The following CEACAM4 variants were observed in gnomAD, a reference collection of about 807,000 sequenced individuals.
CEACAM4 encodes CEA cell adhesion molecule 4.
A neutral mutation model predicts 28.7 loss-of-function variants in CEACAM4; 30 were observed. That is an observed-to-expected ratio of 1.05 (90% CI 0.78 to 1.42). CEACAM4 has a LOEUF of 1.42. Among genes scored for constraint, CEACAM4 ranks in the 40% most tolerant of loss-of-function variants. The pLI, the probability that CEACAM4 is intolerant of heterozygous loss-of-function variation, is 0.00. For synonymous variants in CEACAM4, 143 were observed against 126.5 expected (o/e 1.13, Z -0.87); for missense variants, 330 against 308.2 (o/e 1.07, Z -0.53).
At chr19:41,626,808 A>G in intron 1 of CEACAM4, 92 bp downstream of exon 1, 1 of 1,128,792 alleles carries the variant, frequency 8.9e-7, no homozygotes, top group African/African-American at 1.6e-5. Context: ...AGGAGACCCC[A>G]GCCAGAAGCC....
downstream of CEACAM4, among the ~76,000 whole-genome samples, chr19:41,617,472 TC>T (rs782557303): frequency 3.3e-5 from 5 of 152,118 alleles, 1 homozygote; most frequent in Non-Finnish European, 7.4e-5. Context: ...TACATCCTCA[TC>T]CCCAGATCTG....
downstream of CEACAM4, among the ~76,000 whole-genome samples, chr19:41,618,091 C>G (rs1357080491): frequency 6.8e-6 from 1 of 147,548 alleles, no homozygotes; most frequent in African/African-American, 2.5e-5. Context: ...GCACCTGGTT[C>G]AAGTGAACCT....
chr19:41,620,339 G>T, intron 4 of CEACAM4, 97 bp from the exon 5 acceptor site: 1 of 1,173,148 alleles, frequency 8.5e-7, no homozygotes, highest in Non-Finnish European at 1.2e-6. Flanking sequence ...GAGAATCAGG[G>T]AGAGGGAGCC....
chr19:41,626,141 A>G (rs556866166), intron 1 of CEACAM4, among the ~76,000 whole-genome samples, 181 bp from the exon 2 acceptor site: 10 of 141,620 alleles, frequency 7.1e-5, no homozygotes, highest in Admixed American at 1.5e-4. Flanking sequence ...GGTCAGCAGC[A>G]TGACCCCCAT....
chr19:41,626,082 GT>G, intron 1 of CEACAM4, 122 bp from the exon 2 acceptor site: 2 of 314,402 alleles, frequency 6.4e-6, no homozygotes, highest in Non-Finnish European at 1.1e-5. Flanking sequence ...GTGTGTGTGT[GT>G]GTGTGTGTGT....
downstream of CEACAM4, among the ~76,000 whole-genome samples, chr19:41,615,216 T>G (rs1555798686): frequency 6.6e-6 from 1 of 151,882 alleles, no homozygotes; most frequent in African/African-American, 2.4e-5. Flanking sequence ...GGGCCGCAAG[T>G]GGCACCTGGT....
chr19:41,625,686 G>A lies in CEACAM4; in HGVS notation c.339C>T (p.Thr113=). Residue 113 remains threonine, a synonymous_variant, in exon 2 of 7, where the codon ACC becomes ACT. Coordinates refer to ENST00000221954, the MANE Select transcript of CEACAM4 (RefSeq NM_001817.4). ...PNGSLLFQNI[T]LEDAGSYTLR... ...GGGTGTAGGATCCTGCGTCCTCCAG[G>A]GTGATGTTTTGGAACAGCAGGGATC... The A allele has an allele frequency of 6.2e-7, 1 of 1,613,786 alleles. No individual in the cohort carries two copies. Among genetic ancestry groups the A allele is most frequent in the Non-Finnish European group, 8.5e-7 (1 of 1,179,820 alleles).
rs2071620482 is a variant in CEACAM4, at chr19:41,625,948, G to T, written c.77C>A (p.Thr26Asn). The T allele has an allele frequency of 6.2e-7, 1 of 1,609,928 alleles. No individual in the cohort carries two copies. ...QGLLITASLLTFWHPPTTVQF... is the reference protein window; with the variant it reads ...QGLLITASLLNFWHPPTTVQF... ...GACAGTGGTGGGCGGGTGCCAGAAG[G>T]TTAAAAGTGAGGCTAGGAGGTGAAG... The change falls in exon 2 of 7, where the codon ACC (threonine) becomes AAC (asparagine). Residue 26 changes from threonine (T) to asparagine (N), a missense_variant. By Grantham distance (65) the Thr-to-Asn change is moderately conservative. Coordinates refer to ENST00000221954, the MANE Select transcript of CEACAM4 (RefSeq NM_001817.4).
chr19:41,619,147 A>G lies in CEACAM4; in HGVS notation c.*183T>C. The G allele has an allele frequency of 1.7e-6, 1 of 595,798 alleles. No individual in the cohort carries two copies. Among genetic ancestry groups the G allele is most frequent in the East Asian group, 2.9e-5 (1 of 35,076 alleles). The allele number at this position is 595,798 out of a possible 1,614,324, so 36.9% of individuals were successfully genotyped here. ...CTTTGTCCCGGCCCACCCAGAGCCC[A>G]GGGCAACCTGTCAGGGTCTCCAGAT... is the stretch of plus-strand genomic sequence containing the variant. On this transcript the variant is annotated 3_prime_UTR_variant, in exon 7 of 7. Coordinates refer to ENST00000221954, the MANE Select transcript of CEACAM4 (RefSeq NM_001817.4).
chr19:41,620,576 A>C lies in CEACAM4; in HGVS notation c.594T>G (p.Pro198=). The C allele has an allele frequency of 6.2e-7, 1 of 1,612,258 alleles. No homozygotes were observed. Among genetic ancestry groups the C allele is most frequent in the Non-Finnish European group, 8.5e-7 (1 of 1,178,920 alleles). The part of the protein sequence containing the change: ...LREQPPPAST[P]GHGPSHRSTF... The stretch of plus-strand genomic sequence containing the variant: ...CACCTGGGCTGAAGGGACACTCACC[A>C]GGGGTGGAGGCTGGGGGCGGCTGCT... Residue 198 remains proline, a splice_region_variant and synonymous_variant, in exon 4 of 7, where the codon CCT becomes CCG. Coordinates refer to ENST00000221954, the MANE Select transcript of CEACAM4 (RefSeq NM_001817.4).
Position 41,625,760 on chromosome 19 carries a change from T to C in CEACAM4, c.265A>G (p.Asn89Asp), listed in dbSNP as rs1319663139. The C allele has an allele frequency of 1.4e-5, 22 of 1,613,926 alleles. No homozygotes were observed. Among genetic ancestry groups the C allele is most frequent in the Non-Finnish European group, 1.8e-5 (21 of 1,179,994 alleles). ...IAGYITDIQA[N>D]IPGAAYSGRE... ...CCACTGTATGCGGCCCCTGGGATAT[T>C]TGCTTGAATGTCTGTTATATAACCA... Residue 89 changes from asparagine to aspartate, a missense_variant, in exon 2 of 7, where the codon AAT becomes GAT. By Grantham distance (23) the Asn-to-Asp change is conservative. Coordinates refer to ENST00000221954, the MANE Select transcript of CEACAM4 (RefSeq NM_001817.4).
At chr19:41,615,197 G>A, downstream of CEACAM4, among the ~76,000 whole-genome samples, 1 of 152,060 alleles carries the variant, frequency 6.6e-6, no homozygotes, top group Non-Finnish European at 1.5e-5. Flanking sequence ...ACAGATATGA[G>A]GAGGAGTGGG....
At chr19:41,614,248 G>C (rs1381163582), downstream of CEACAM4, among the ~76,000 whole-genome samples, 4 of 152,342 alleles carry the variant, frequency 2.6e-5, no homozygotes, top group South Asian at 6.2e-4. Flanking sequence ...GTGGAGTACT[G>C]TTCCTGGAGC....
At chr19:41,619,512 G>A (rs1404384200) in intron 6 of CEACAM4, 117 bp from the exon 7 acceptor site, 9 of 1,562,840 alleles carry the variant, frequency 5.8e-6, no homozygotes, top group Admixed American at 1.9e-5. Flanking sequence ...CTGTGCTCAG[G>A]GGGTCCCTGT....
At chr19:41,619,769 G>T in intron 5 of CEACAM4, 58 bp from the exon 6 acceptor site, 1 of 1,406,590 alleles carries the variant, frequency 7.1e-7, no homozygotes, top group East Asian at 2.5e-5. Flanking sequence ...CGGAAGCCCA[G>T]CCTGGAAGGT....
chr19:41,620,351 CT>C, intron 4 of CEACAM4, 109 bp from the exon 5 acceptor site: 3 of 1,100,782 alleles, frequency 2.7e-6, no homozygotes, highest in East Asian at 2.9e-5. Context: ...GAGGGAGCCT[CT>C]TCCCAGGGGA....
intron 6 of CEACAM4, 107 bp from the exon 7 acceptor site, chr19:41,619,502 C>CT (rs1396861744): frequency 2.2e-5 from 34 of 1,572,166 alleles, no homozygotes; most frequent in Non-Finnish European, 2.9e-5. Flanking sequence ...CTGAACCTGG[C>CT]TGTGCTCAGG....
intron 5 of CEACAM4, among the ~76,000 whole-genome samples, 170 bp from the exon 6 acceptor site, chr19:41,619,881 G>A (rs1222735048): frequency 6.6e-6 from 1 of 151,942 alleles, no homozygotes; most frequent in Non-Finnish European, 1.5e-5. Flanking sequence ...TCCCAGTGTG[G>A]ACACAACACC....
downstream of CEACAM4, among the ~76,000 whole-genome samples, chr19:41,618,541 A>G (rs1230444799): frequency 6.6e-6 from 1 of 152,100 alleles, no homozygotes; most frequent in Non-Finnish European, 1.5e-5. Context: ...GGGACAGGTA[A>G]GTTCATTTGT....
Sources: gnomAD v4.1 joint callset for allele counts (sites outside exome capture counted in the v4.1 genomes callset) on GRCh38, gnomAD v4.1.1 for gene constraint, MANE v1.5 for transcripts, NCBI Gene and HGNC (gene_info 2026-07-23, HGNC 2026-07-21) for gene names.